SMIM13: variants seen among roughly 807,000 people sequenced by gnomAD.
SMIM13 encodes UPF0766 protein C6orf228.
In SMIM13, 3 loss-of-function variants were observed where a neutral mutation model predicts 5.9. The observed-to-expected ratio is 0.51, with a 90% CI of 0.23 to 1.31. The LOEUF (loss-of-function observed/expected upper bound fraction) is 1.31. Ranked by LOEUF, SMIM13 falls within the 40% of genes most tolerant of loss-of-function variation. The pLI is 0.18. For missense variants in SMIM13, 85 were observed against 109.9 expected (o/e 0.77, Z 1.01); for synonymous variants, 55 against 46.0 (o/e 1.19, Z -0.79).
chr6:11,116,328 A>G (rs778288996), intron 1 of SMIM13, among the ~76,000 whole-genome samples: 29 of 152,180 alleles, frequency 1.9e-4, no homozygotes, highest in Non-Finnish European at 3.5e-4. Flanking sequence ...CAGCTTTGCC[A>G]TGTTCTGTTG....
chr6:11,117,162 TG>T (rs1758251813), intron 1 of SMIM13, among the ~76,000 whole-genome samples: 1 of 138,736 alleles, frequency 7.2e-6, no homozygotes, highest in Non-Finnish European at 1.6e-5. Context: ...GGCTAATTTT[TG>T]TATTTTTTTT....
At chr6:11,094,448 G>GTT in intron 1 of SMIM13, 59 bp downstream of exon 1, 2 of 1,215,782 alleles carry the variant, frequency 1.6e-6, no homozygotes, top group African/African-American at 1.6e-5. Context: ...ATCTGCTGGG[G>GTT]TTTTTTTTGT....
intron 1 of SMIM13, among the ~76,000 whole-genome samples, chr6:11,127,896 T>G (rs1208323591): frequency 1.3e-5 from 2 of 152,166 alleles, no homozygotes; most frequent in African/African-American, 4.8e-5. Flanking sequence ...CTGTCAGGAC[T>G]TAGTCTCTCC....
At chr6:11,133,642 A>C (rs1554120156) in intron 1 of SMIM13, among the ~76,000 whole-genome samples, 1 of 152,152 alleles carries the variant, frequency 6.6e-6, no homozygotes, top group Non-Finnish European at 1.5e-5. Context: ...GCATAGGTTC[A>C]GAGGTTTTCT....
At chr6:11,116,421 C>T (rs772145250) in intron 1 of SMIM13, among the ~76,000 whole-genome samples, 6 of 152,222 alleles carry the variant, frequency 3.9e-5, no homozygotes, top group Non-Finnish European at 7.3e-5. Flanking sequence ...ATTGGGATTA[C>T]TAGAGTGTGT....
In SMIM13 at chr6:11,094,472, G is replaced by GA. The variant is rs1490634484; in HGVS notation, c.76+90dup. ...GGTTTTTTTTGTTGTTTGTTTTTTTGAAAAAAACAAAAGGGCGTGGACGGA... is the reference window on the plus strand; with the variant it reads ...GGTTTTTTTTGTTGTTTGTTTTTTTGAAAAAAAACAAAAGGGCGTGGACGGA... On this transcript the variant is annotated intron_variant, in intron 1 of 1. Coordinates refer to ENST00000416247, the MANE Select transcript of SMIM13 (RefSeq NM_001135575.2). 2.8e-5 allele frequency: 32 copies of GA among 1,155,986 alleles called. 1 individual carries two copies. The highest frequency in any genetic ancestry group is 1.2e-4 in the South Asian group (9 of 73,162). The allele number at this position is 1,155,986 out of a possible 1,614,324, so 71.6% of individuals were successfully genotyped here. A position where few individuals can be genotyped will look rare whatever the true frequency, so the allele number is the denominator to read the frequency against.
At chr6:11,121,536 G>C (rs1758309640) in intron 1 of SMIM13, among the ~76,000 whole-genome samples, 1 of 152,008 alleles carries the variant, frequency 6.6e-6, no homozygotes, top group Admixed American at 6.6e-5. Context: ...GGATTAGGTT[G>C]GTCTATATTT....
intron 1 of SMIM13, among the ~76,000 whole-genome samples, chr6:11,125,978 G>T (rs1758371824): frequency 6.6e-6 from 1 of 151,952 alleles, no homozygotes; most frequent in South Asian, 2.1e-4. Context: ...CCCTTCTGAG[G>T]CTATTCTCTA....
chr6:11,097,525 G>A (rs1208902485), intron 1 of SMIM13, among the ~76,000 whole-genome samples: 14 of 151,860 alleles, frequency 9.2e-5, no homozygotes, highest in Admixed American at 8.5e-4. Context: ...AAAATTTGCC[G>A]GGCATGATGG....
intron 1 of SMIM13, among the ~76,000 whole-genome samples, chr6:11,128,922 G>A (rs538143562): frequency 1.6e-4 from 24 of 152,056 alleles, no homozygotes; most frequent in Admixed American, 9.2e-4. Flanking sequence ...GGAGGGTAGC[G>A]TAGGCATTTC....
Position 11,118,995 on chromosome 6 carries a change from T to C in SMIM13, c.77-15408T>C, listed in dbSNP as rs181638271. Among the ~76,000 whole-genome samples, 695 of 152,240 alleles carry C rather than the reference T, an allele frequency of 4.6e-3. 5 individuals carry two copies. The highest frequency in any genetic ancestry group is 7.6e-3 in the Non-Finnish European group (517 of 68,020). On this transcript the variant is annotated intron_variant, in intron 1 of 1. Coordinates refer to ENST00000416247, the MANE Select transcript of SMIM13 (RefSeq NM_001135575.2). ...TGCAGTCTAACATGCCTCTGAGATATAAGAAATTATGGGGACAATCCAGTT... is the reference window on the plus strand; with the variant it reads ...TGCAGTCTAACATGCCTCTGAGATACAAGAAATTATGGGGACAATCCAGTT...
intron 1 of SMIM13, among the ~76,000 whole-genome samples, chr6:11,110,105 G>A (rs958475716): frequency 9.2e-5 from 14 of 152,132 alleles, no homozygotes; most frequent in African/African-American, 3.4e-4. Flanking sequence ...GGCGAGAAGA[G>A]GGCATCTCCC....
At position 11,119,442 on chromosome 6, in the gene SMIM13, C is replaced by T. The variant is rs1049698825; in HGVS notation, c.77-14961C>T. Among the ~76,000 whole-genome samples the T allele has an allele frequency of 2.0e-5, 3 of 152,074 alleles. No homozygotes were observed. In the South Asian group the frequency reaches 6.2e-4, roughly 32 times the overall value. ...AGCCGAGACAGGCGAATCACGAGGTCAGGAGATCGAGACCATCCTGGCTAA... is the reference window on the plus strand; with the variant it reads ...AGCCGAGACAGGCGAATCACGAGGTTAGGAGATCGAGACCATCCTGGCTAA... On this transcript the variant is annotated intron_variant, in intron 1 of 1. Coordinates refer to ENST00000416247, the MANE Select transcript of SMIM13 (RefSeq NM_001135575.2).
rs1288540572 is a variant in SMIM13, at chr6:11,135,049, AT to A, written c.*448del. 6.5e-6 allele frequency: 1 copy of A among 152,844 alleles called. No individual in the cohort carries two copies. Among genetic ancestry groups the A allele is most frequent in the Non-Finnish European group, 1.5e-5 (1 of 68,320 alleles). The allele number at this position is 152,844 out of a possible 1,614,324, so 9.5% of individuals were successfully genotyped here. On this transcript the variant is annotated 3_prime_UTR_variant, in exon 2 of 2. Transcript: ENST00000416247. ...TGAATTTACAGCTTGTCATCGTGTCATCCCTTTAACCAACATGTGTTTTGTT... is the reference window on the plus strand; with the variant it reads ...TGAATTTACAGCTTGTCATCGTGTCACCCTTTAACCAACATGTGTTTTGTT...
intron 1 of SMIM13, chr6:11,105,403 C>T: frequency 1.1e-6 from 1 of 916,034 alleles, no homozygotes; most frequent in Non-Finnish European, 1.6e-6. Context: ...ACAATCAGAG[C>T]AATTGCCAGT....
chr6:11,104,047 T>A, intron 1 of SMIM13: 1 of 1,551,764 alleles, frequency 6.4e-7, no homozygotes, highest in African/African-American at 1.4e-5. Context: ...GCCGTTAACA[T>A]GTCTAGTCCT....
intron 1 of SMIM13, among the ~76,000 whole-genome samples, chr6:11,123,853 A>G (rs1239008453): frequency 6.6e-6 from 1 of 152,230 alleles, no homozygotes; most frequent in Non-Finnish European, 1.5e-5. Flanking sequence ...AATATACAAT[A>G]CATTATTGTA....
intron 1 of SMIM13, among the ~76,000 whole-genome samples, chr6:11,133,506 C>T (rs1358725815): frequency 6.6e-6 from 1 of 152,122 alleles, no homozygotes; most frequent in East Asian, 1.9e-4. Context: ...TGCTGTGTTT[C>T]ATTTCTATTC....
intron 1 of SMIM13, among the ~76,000 whole-genome samples, chr6:11,126,404 A>G (rs1758377915): frequency 6.6e-6 from 1 of 152,166 alleles, no homozygotes; most frequent in African/African-American, 2.4e-5. Flanking sequence ...CTTTTGCTTG[A>G]TCAGTTCTGC....
Sources: gnomAD v4.1 joint callset for allele counts (sites outside exome capture counted in the v4.1 genomes callset) on GRCh38, gnomAD v4.1.1 for gene constraint, MANE v1.5 for transcripts, NCBI Gene and HGNC (gene_info 2026-07-23, HGNC 2026-07-21) for gene names.